The following FADS2 variants were observed in gnomAD, a reference collection of about 807,000 sequenced individuals.
The protein encoded by FADS2 is fatty acid desaturase 2.
Under a neutral mutation model 61.2 loss-of-function variants are expected in FADS2, and 18 were observed. The observed-to-expected ratio is 0.29, with a 90% CI of 0.20 to 0.44. The LOEUF (loss-of-function observed/expected upper bound fraction) is 0.44, where lower values mean the gene tolerates loss of function less well. Among genes scored for constraint, FADS2 ranks in the 20% least tolerant of loss-of-function variants. FADS2 has a pLI of 1.00. For missense variants in FADS2, 322 were observed against 572.7 expected (o/e 0.56, Z 4.47); for synonymous variants, 203 against 223.9 (o/e 0.91, Z 0.83).
chr11:61,848,414 G>A, intron 5 of FADS2, 130 bp downstream of exon 5: 2 of 1,478,556 alleles, frequency 1.4e-6, no homozygotes, highest in South Asian at 2.5e-5. Context: ...AGCCATCGAG[G>A]TACGACTAAG....
rs371701265 is a variant in FADS2, at chr11:61,865,224, T to C, written c.1230T>C (p.His410=). 17 of 1,613,856 alleles carry C rather than the reference T, an allele frequency of 1.1e-5. No homozygotes were observed. In the African/African-American group the frequency reaches 2.1e-4, roughly 20 times the overall value. ...APLVKSLCAK[H]GIEYQEKPLL... The stretch of plus-strand genomic sequence containing the variant: ...TGGTGAAGTCTCTATGTGCCAAGCA[T>C]GGCATTGAATACCAGGAGAAGCCGC... Residue 410 remains histidine, a synonymous_variant, in exon 11 of 12, where the codon CAT becomes CAC. Transcript: ENST00000278840. The surrounding 1 kb of genome is among the most constrained non-coding windows in gnomAD (Gnocchi z 4.1).
chr11:61,848,452 G>A (rs2067279782), intron 5 of FADS2, among the ~76,000 whole-genome samples, 168 bp downstream of exon 5: 1 of 152,154 alleles, frequency 6.6e-6, no homozygotes, highest in African/African-American at 2.4e-5. Context: ...GGAAGTGTTT[G>A]GCCTGAGCAG....
rs761884836 is a variant in FADS2 at position 61,865,333 on chromosome 11, G to C, written c.1283+56G>C. On this transcript the variant is annotated intron_variant, in intron 11 of 11. Coordinates refer to ENST00000278840, the MANE Select transcript of FADS2 (RefSeq NM_004265.4). The surrounding 1 kb of genome is among the most constrained non-coding windows in gnomAD (Gnocchi z 4.1). The stretch of plus-strand genomic sequence containing the variant: ...CCTGGGATCACCCGTGGTGCAGACA[G>C]TGGGATCACAAGAGGGGCTGGGCCC... 6.9e-5 allele frequency: 110 copies of C among 1,595,872 alleles called. No individual in the cohort carries two copies. Among genetic ancestry groups the C allele is most frequent in the Non-Finnish European group, 2.7e-5 (32 of 1,171,520 alleles).
At chr11:61,823,780 G>A (rs1021113359), upstream of FADS2, among the ~76,000 whole-genome samples, 2 of 152,208 alleles carry the variant, frequency 1.3e-5, no homozygotes, top group African/African-American at 2.4e-5. Context: ...GCCTCCCAAA[G>A]TGTTGGGATT....
At chr11:61,824,502 G>GAAAGAAGAAAGAAA (rs140558358), upstream of FADS2, among the ~76,000 whole-genome samples, 36 of 21,692 alleles carry the variant, frequency 1.7e-3, 7 homozygotes, top group Non-Finnish European at 2.2e-3. Flanking sequence ...AAGAAAGAAA[G>GAAAGAAGAAAGAAA]GAAAGAAAGA....
At chr11:61,825,886 G>A (rs528843334), upstream of FADS2, 30 of 585,840 alleles carry the variant, frequency 5.1e-5, no homozygotes, top group Middle Eastern at 3.8e-4. Context: ...GAGTGAGACT[G>A]CATCTCAAAA....
intron 1 of FADS2, 91 bp from the exon 2 acceptor site, chr11:61,837,687 T>G: frequency 3.1e-5 from 26 of 833,006 alleles, no homozygotes; most frequent in Middle Eastern, 2.2e-4. Context: ...GGTGCACACA[T>G]GGAGCTGTTG....
intron 9 of FADS2, 105 bp downstream of exon 9, chr11:61,863,483 C>A: frequency 2.2e-6 from 2 of 915,908 alleles, no homozygotes; most frequent in South Asian, 1.4e-5. Flanking sequence ...CCTCCCGGGG[C>A]TGCCTGTGTC....
At chr11:61,823,381 G>A (rs771611207), upstream of FADS2, among the ~76,000 whole-genome samples, 1 of 152,206 alleles carries the variant, frequency 6.6e-6, no homozygotes, top group Non-Finnish European at 1.5e-5. Context: ...CCACCTCTAT[G>A]GGTTTCGGAT....
At chr11:61,852,838 T>C (rs912124711) in intron 5 of FADS2, among the ~76,000 whole-genome samples, 1 of 152,090 alleles carries the variant, frequency 6.6e-6, no homozygotes, top group African/African-American at 2.4e-5. Context: ...GGGTAGATGA[T>C]CATATCCTAG....
Position 61,816,368 on chromosome 11 carries a change from A to G in FADS2, c.83A>G (p.Gln28Arg), listed in dbSNP as rs1388243605. 2 of 1,598,348 alleles carry G rather than the reference A, an allele frequency of 1.3e-6. No homozygotes were observed. Among genetic ancestry groups the G allele is most frequent in the Admixed American group, 1.7e-5 (1 of 60,004 alleles). ...CCCACTCCCCAGACTCCACTTCTCC[A>G]GGCCTCTCTCCCGCCTTTTCATCCC... The change falls in exon 1 of 12, where the codon CAG (glutamine) becomes CGG (arginine). Residue 28 changes from glutamine (Q) to arginine (R), a missense_variant. Transcript: ENST00000257261. The surrounding 1 kb of genome is among the most constrained non-coding windows in gnomAD (Gnocchi z 7.0).
In FADS2 at chr11:61,866,146, CT is replaced by C. The variant is rs1247254608; in HGVS notation, c.*458del. ...GGCAGGTCCTAGTCGGGCAGGGCCC[CT>C]GACCCTCCCGGCCTGGCTTCACTCT... On this transcript the variant is annotated 3_prime_UTR_variant, in exon 12 of 12. Transcript: ENST00000278840. 7 of 399,170 alleles carry C rather than the reference CT, an allele frequency of 1.8e-5. No homozygotes were observed. The highest frequency in any genetic ancestry group is 4.4e-5 in the Admixed American group (1 of 22,972). 24.7% of individuals were successfully genotyped at this position (399,170 alleles called of 1,614,324 possible).
intron 5 of FADS2, among the ~76,000 whole-genome samples, chr11:61,852,255 CTTTTTG>C (rs894054731): frequency 1.9e-3 from 291 of 152,170 alleles, no homozygotes; most frequent in African/African-American, 6.2e-3. Context: ...CTTTCTCTCT[CTTTTTG>C]TTTTTGTTTT....
intron 5 of FADS2, chr11:61,856,017 C>T (rs1185897287): frequency 6.6e-6 from 1 of 152,336 alleles, no homozygotes; most frequent in Non-Finnish European, 1.5e-5. Flanking sequence ...AAGCGACTCA[C>T]ATAGTCTCAG....
chr11:61,839,687 T>C (rs1335585257), intron 2 of FADS2, among the ~76,000 whole-genome samples: 1 of 152,250 alleles, frequency 6.6e-6, no homozygotes, highest in Non-Finnish European at 1.5e-5. Context: ...TTTACATTGT[T>C]ATGTAACCAT....
At chr11:61,849,205 C>T (rs1186098464) in intron 5 of FADS2, among the ~76,000 whole-genome samples, 6 of 152,176 alleles carry the variant, frequency 3.9e-5, no homozygotes, top group Admixed American at 1.3e-4. Context: ...GAGAGAGTCA[C>T]GTAATTTAGT....
At chr11:61,861,139 G>T (rs1380534937) in intron 7 of FADS2, among the ~76,000 whole-genome samples, 1 of 151,934 alleles carries the variant, frequency 6.6e-6, no homozygotes, top group Non-Finnish European at 1.5e-5. Context: ...CGGATCACAA[G>T]GTCAGGAGAT....
At chr11:61,824,509 A>AAGAG (rs2067065222), upstream of FADS2, among the ~76,000 whole-genome samples, 1 of 104,974 alleles carries the variant, frequency 9.5e-6, no homozygotes. Context: ...AAAGGAAAGA[A>AAGAG]AGAAAGAAAG....
intron 5 of FADS2, among the ~76,000 whole-genome samples, chr11:61,853,794 T>C (rs1462601384): frequency 6.6e-6 from 1 of 152,128 alleles, no homozygotes; most frequent in African/African-American, 2.4e-5. Flanking sequence ...TCTCTGTGTG[T>C]GAGTTTGCAG....
Sources: allele counts gnomAD v4.1 joint callset (sites outside exome capture counted in the v4.1 genomes callset), GRCh38; gene constraint gnomAD v4.1.1; non-coding constraint Gnocchi (gnomAD v3.1); transcripts MANE v1.5; gene names NCBI Gene and HGNC (gene_info 2026-07-23, HGNC 2026-07-21).